COX15: variants seen among roughly 807,000 people sequenced by gnomAD.
COX15 encodes the protein cytochrome c oxidase assembly factor COX15.
A neutral mutation model predicts 51.9 loss-of-function variants in COX15; 51 were observed. The ratio of observed to expected loss-of-function variants is 0.98; its 90% CI spans 0.78 to 1.24. COX15 has a LOEUF of 1.24. COX15 is among the 50% of genes most tolerant of loss of function. The pLI is 0.00. For synonymous variants in COX15, 188 were observed against 190.5 expected (o/e 0.99, Z 0.11); for missense variants, 420 against 501.1 (o/e 0.84, Z 1.55).
At chr10:99,710,077 T>G (rs2036334583), downstream of COX15, 1 of 985,284 alleles carries the variant, frequency 1.0e-6, no homozygotes. Context: ...CATAAAGACA[T>G]GTCTGCTCCT....
At chr10:99,720,931 A>C (rs2133595159) in intron 6 of COX15, 56 bp downstream of exon 6, 1 of 1,379,742 alleles carries the variant, frequency 7.2e-7, no homozygotes, top group African/African-American at 1.4e-5. Context: ...ATTAGGCAAG[A>C]GGTCCCAGCT....
the COX15 span, among the ~76,000 whole-genome samples, chr10:99,703,811 T>A: frequency 6.6e-6 from 1 of 152,222 alleles, no homozygotes; most frequent in Non-Finnish European, 1.5e-5. Context: ...AACCTTGAAC[T>A]CCTGGGCTCA....
chr10:99,708,980 T>A (rs1159191209), downstream of COX15: 2 of 985,344 alleles, frequency 2.0e-6, no homozygotes, highest in Non-Finnish European at 2.4e-6. Flanking sequence ...TTGCTCACAT[T>A]TAGGAATAAA....
chr10:99,719,008 T>C (rs2133587252), intron 6 of COX15, among the ~76,000 whole-genome samples: 1 of 152,316 alleles, frequency 6.6e-6, no homozygotes, highest in South Asian at 2.1e-4. Context: ...CTAAATATCA[T>C]CTAGCACATT....
intron 2 of COX15, 83 bp from the exon 3 acceptor site, chr10:99,727,646 C>A (rs892507542): frequency 2.0e-6 from 3 of 1,471,018 alleles, no homozygotes; most frequent in Non-Finnish European, 2.8e-6. Context: ...TGGATCTGAA[C>A]TTAACCTTGT....
the COX15 span, chr10:99,698,476 T>C: frequency 4.0e-6 from 6 of 1,514,162 alleles, no homozygotes; most frequent in East Asian, 6.8e-5. Flanking sequence ...TTTCTTAGAC[T>C]AGGTTGAATA....
intron 7 of COX15, among the ~76,000 whole-genome samples, chr10:99,717,846 C>A (rs916450548): frequency 4.6e-5 from 7 of 152,208 alleles, no homozygotes; most frequent in African/African-American, 1.7e-4. Context: ...CAATTCATCA[C>A]ACACAGGCCT....
At chr10:99,719,070 T>C (rs1289289202) in intron 6 of COX15, among the ~76,000 whole-genome samples, 2 of 152,242 alleles carry the variant, frequency 1.3e-5, no homozygotes, top group African/African-American at 4.8e-5. Flanking sequence ...TAAATGTTTG[T>C]TGACTGAATA....
In COX15 at chr10:99,727,003, G is replaced by A. The variant is rs371107669; in HGVS notation, c.547C>T (p.Arg183Cys). Reference protein sequence around the residue: ...KGWLSRGMKGRVLALCGLVCF... With the variant: ...KGWLSRGMKGCVLALCGLVCF... Reference sequence around the variant, plus strand: ...ACGAGGCCACAGAGGGCAAGAACACGTCCTTTCATGCCACGGCTGAGCCAG... The same window carrying A: ...ACGAGGCCACAGAGGGCAAGAACACATCCTTTCATGCCACGGCTGAGCCAG... Residue 183 changes from arginine (R) to cysteine (C), a missense_variant, in exon 4 of 9, where the codon CGT (arginine) becomes TGT (cysteine). Coordinates refer to ENST00000016171, the MANE Select transcript of COX15 (RefSeq NM_078470.6). The A allele has an allele frequency of 2.5e-5, 41 of 1,613,760 alleles. No homozygotes were observed. Among genetic ancestry groups the A allele is most frequent in the South Asian group, 1.3e-4 (12 of 91,086 alleles).
Position 99,712,736 on chromosome 10 carries a change from C to A in COX15, c.*1851G>T, listed in dbSNP as rs754063121. 1.3e-3 allele frequency: 626 copies of A among 480,874 alleles called. No individual in the cohort carries two copies. Among genetic ancestry groups the A allele is most frequent in the Non-Finnish European group, 1.6e-3 (592 of 369,010 alleles). 29.8% of individuals were successfully genotyped at this position (480,874 alleles called of 1,614,324 possible). A position where few individuals can be genotyped will look rare whatever the true frequency, so the allele number is the denominator to read the frequency against. On this transcript the variant is annotated 3_prime_UTR_variant, in exon 9 of 9. Coordinates refer to ENST00000016171, the MANE Select transcript of COX15 (RefSeq NM_078470.6). Reference sequence around the variant, plus strand: ...TAGTCCGAGCTGGGGCACCTGCTCGCCAGTGTTACTGTCTCCATCAGCCTG... The same window carrying A: ...TAGTCCGAGCTGGGGCACCTGCTCGACAGTGTTACTGTCTCCATCAGCCTG...
intron 5 of COX15, among the ~76,000 whole-genome samples, chr10:99,722,257 A>G (rs1466228516): frequency 2.0e-5 from 3 of 152,202 alleles, no homozygotes; most frequent in East Asian, 3.8e-4. Flanking sequence ...AGCATCTCAA[A>G]TCCTTTTTGT....
intron 4 of COX15, 124 bp downstream of exon 4, chr10:99,726,844 C>T (rs1032320099): frequency 3.3e-5 from 31 of 928,494 alleles, no homozygotes; most frequent in South Asian, 1.3e-4. Context: ...CGAGATCACG[C>T]GCCACTGCAC....
In COX15 at chr10:99,714,515, A is replaced by C. The variant is rs1347356956; in HGVS notation, c.*72T>G. 40 of 1,611,162 alleles carry C rather than the reference A, an allele frequency of 2.5e-5. No individual in the cohort carries two copies. Among genetic ancestry groups the C allele is most frequent in the Non-Finnish European group, 3.3e-5 (39 of 1,179,266 alleles). On this transcript the variant is annotated 3_prime_UTR_variant, in exon 9 of 9. Coordinates refer to ENST00000016171, the MANE Select transcript of COX15 (RefSeq NM_078470.6). Reference sequence around the variant, plus strand: ...GTATGTCAAGGTCATCTCGTAGAAAAGCCCAAGTTCTTATGATCTCTGAAG... The same window carrying C: ...GTATGTCAAGGTCATCTCGTAGAAACGCCCAAGTTCTTATGATCTCTGAAG...
chr10:99,728,515 G>A (rs964334566), intron 2 of COX15, among the ~76,000 whole-genome samples: 4 of 152,184 alleles, frequency 2.6e-5, no homozygotes, highest in African/African-American at 7.2e-5. Context: ...AACTGATGAT[G>A]AGGGAAAGCT....
At chr10:99,717,580 A>C (rs2036617732) in intron 7 of COX15, among the ~76,000 whole-genome samples, 1 of 152,124 alleles carries the variant, frequency 6.6e-6, no homozygotes. Flanking sequence ...GCTAGAATGC[A>C]GTAACGTGAT....
At chr10:99,725,343 T>C (rs919332712) in intron 4 of COX15, among the ~76,000 whole-genome samples, 2 of 152,262 alleles carry the variant, frequency 1.3e-5, no homozygotes, top group Non-Finnish European at 2.9e-5. Context: ...ACGTACACAG[T>C]TGATTCACTA....
At chr10:99,720,830 G>A (rs1465576035) in intron 6 of COX15, among the ~76,000 whole-genome samples, 157 bp downstream of exon 6, 1 of 79,408 alleles carries the variant, frequency 1.3e-5, no homozygotes, top group East Asian at 3.1e-4. Context: ...TTTTGGAAGA[G>A]AGAAAGGAAC....
Position 99,713,098 on chromosome 10 carries a change from G to C in COX15, c.*1489C>G. 8.1e-7 allele frequency: 1 copy of C among 1,233,670 alleles called. No homozygotes were observed. Among genetic ancestry groups the C allele is most frequent in the Non-Finnish European group, 1.0e-6 (1 of 976,154 alleles). The allele number at this position is 1,233,670 out of a possible 1,614,324, so 76.4% of individuals were successfully genotyped here. A position where few individuals can be genotyped will look rare whatever the true frequency, so the allele number is the denominator to read the frequency against. The stretch of plus-strand genomic sequence containing the variant: ...CCAGAGTGAAATGCAGTATGTTAGG[G>C]GTATTTTGACTATGGCTGTGACACT... On this transcript the variant is annotated 3_prime_UTR_variant, in exon 9 of 9. Coordinates refer to ENST00000016171, the MANE Select transcript of COX15 (RefSeq NM_078470.6).
chr10:99,694,541 T>TG, the COX15 span, among the ~76,000 whole-genome samples: 11 of 150,304 alleles, frequency 7.3e-5, no homozygotes, highest in African/African-American at 2.2e-4. Flanking sequence ...TTTTTTTGTT[T>TG]TTTTTTTTTT....
Sources: allele counts gnomAD v4.1 joint callset (sites outside exome capture counted in the v4.1 genomes callset), GRCh38; gene constraint gnomAD v4.1.1; transcripts MANE v1.5; gene names NCBI Gene and HGNC (gene_info 2026-07-23, HGNC 2026-07-21).